CELF4: variants seen among roughly 807,000 people sequenced by gnomAD.
CELF4 encodes the protein CUGBP Elav-like family member 4.
In CELF4, 18 loss-of-function variants were observed where a neutral mutation model predicts 59.9. The observed-to-expected ratio is 0.30, with a 90% CI of 0.21 to 0.45. CELF4 has a LOEUF of 0.45. CELF4 is among the 20% of genes least tolerant of loss of function. The pLI is 1.00. For synonymous variants in CELF4, 261 were observed against 267.1 expected, an observed-to-expected ratio of 0.98 and a Z score of 0.22; for missense variants, 456 against 689.0, an observed-to-expected ratio of 0.66 and a Z score of 3.79.
At chr18:37,415,602 G>A (rs1240354160) in intron 2 of CELF4, among the ~76,000 whole-genome samples, 1 of 152,200 alleles carries the variant, frequency 6.6e-6, no homozygotes, top group Non-Finnish European at 1.5e-5. Context: ...TTAACTTTAA[G>A]AGAAGTGGAA....
chr18:37,267,258 C>T (rs2154337398), intron 8 of CELF4, among the ~76,000 whole-genome samples: 1 of 152,348 alleles, frequency 6.6e-6, no homozygotes, highest in East Asian at 1.9e-4. Flanking sequence ...GGACCTTCCT[C>T]CTGTCTTCTG....
chr18:37,360,219 T>C (rs537311624), intron 2 of CELF4, among the ~76,000 whole-genome samples: 1 of 152,260 alleles, frequency 6.6e-6, no homozygotes, highest in East Asian at 1.9e-4. Context: ...AAGTCCTCTT[T>C]GCAATCTCTG....
intron 2 of CELF4, among the ~76,000 whole-genome samples, chr18:37,414,556 C>A (rs1603637748): frequency 7.5e-6 from 1 of 133,746 alleles, no homozygotes; most frequent in Non-Finnish European, 1.5e-5. Context: ...GGCTGGAGTG[C>A]AGTGGCGCGA....
At chr18:37,440,971 G>A (rs2099711065) in intron 2 of CELF4, among the ~76,000 whole-genome samples, 1 of 152,192 alleles carries the variant, frequency 6.6e-6, no homozygotes, top group Admixed American at 6.5e-5. Context: ...GTGGTGCAAG[G>A]AATGTGAATA....
chr18:37,472,636 G>T lies in CELF4; in HGVS notation c.369+12889C>A, dbSNP rs149291040. Among the ~76,000 whole-genome samples the T allele has an allele frequency of 5.3e-5, 8 of 152,370 alleles. No individual in the cohort carries two copies. The East Asian group carries it at 1.5e-3, about 29-fold the overall frequency. ...GATGAGAAAACTGAGGCACAGAGAA[G>T]TTAAGTGATTAGCCCAAGGTCACAC... On this transcript the variant is annotated intron_variant, in intron 2 of 12. Coordinates refer to ENST00000420428, the MANE Select transcript of CELF4 (RefSeq NM_020180.4).
At chr18:37,468,645 G>C (rs962926334) in intron 2 of CELF4, among the ~76,000 whole-genome samples, 3 of 152,130 alleles carry the variant, frequency 2.0e-5, no homozygotes, top group Non-Finnish European at 4.4e-5. Context: ...CCTGAGACTG[G>C]GTAATTTATC....
chr18:37,258,300 A>C lies in CELF4; in HGVS notation c.1333+881T>G, dbSNP rs538852739. On this transcript the variant is annotated intron_variant, in intron 11 of 12. Transcript: ENST00000420428. ...ATAGTGGAAACCCCCCAGCACAGAC[A>C]CCACACCCCCGCGCCTGGTCTCCCT... Among the ~76,000 whole-genome samples, 150 of 133,826 alleles carry C rather than the reference A, an allele frequency of 1.1e-3. 2 individuals carry two copies. Among genetic ancestry groups the C allele is most frequent in the African/African-American group, 4.1e-3 (148 of 35,676 alleles). The allele number at this position is 133,826 out of a possible 152,430, so 87.8% of individuals were successfully genotyped here.
intron 12 of CELF4, among the ~76,000 whole-genome samples, chr18:37,252,519 A>C (rs922737464): frequency 2.3e-4 from 35 of 151,556 alleles, no homozygotes; most frequent in Non-Finnish European, 8.8e-5. Flanking sequence ...AAGGCCCCAC[A>C]CCAGGTGGCC....
At chr18:37,325,256 G>A (rs2097266243) in intron 2 of CELF4, among the ~76,000 whole-genome samples, 1 of 152,166 alleles carries the variant, frequency 6.6e-6, no homozygotes, top group Non-Finnish European at 1.5e-5. Context: ...CATCCTGTGT[G>A]GGAGGAAGGC....
intron 2 of CELF4, among the ~76,000 whole-genome samples, chr18:37,408,402 C>T (rs180797324): frequency 1.3e-5 from 2 of 150,132 alleles, no homozygotes; most frequent in East Asian, 2.0e-4. Context: ...TTTCCAGGAA[C>T]GTAAGAATCT....
At chr18:37,489,106 A>G (rs943718551) in intron 1 of CELF4, among the ~76,000 whole-genome samples, 2 of 152,232 alleles carry the variant, frequency 1.3e-5, no homozygotes, top group Admixed American at 6.5e-5. Context: ...GTGAGGCGGG[A>G]GCGGCTGGAT....
intron 2 of CELF4, among the ~76,000 whole-genome samples, chr18:37,432,245 G>A (rs904408882): frequency 6.6e-6 from 1 of 152,214 alleles, no homozygotes; most frequent in Non-Finnish European, 1.5e-5. Context: ...AAGGGGTGCT[G>A]TTGTGAGGGC....
At chr18:37,413,010 C>T (rs542565802) in intron 2 of CELF4, among the ~76,000 whole-genome samples, 3 of 152,226 alleles carry the variant, frequency 2.0e-5, no homozygotes, top group Middle Eastern at 3.4e-3. Flanking sequence ...CTCCCCTCCC[C>T]GCCCAGGCTG....
At chr18:37,519,577 G>C (rs752432088) in intron 1 of CELF4, among the ~76,000 whole-genome samples, 2 of 152,198 alleles carry the variant, frequency 1.3e-5, no homozygotes, top group Non-Finnish European at 2.9e-5. Context: ...AAATGCTTCA[G>C]GTGTTCGTCA....
In CELF4 at chr18:37,465,868, C is replaced by A. The variant is rs141836459; in HGVS notation, c.369+19657G>T. Among the ~76,000 whole-genome samples the A allele has an allele frequency of 1.8e-3, 274 of 152,230 alleles. 3 individuals are homozygous for A. The highest frequency in any genetic ancestry group is 3.4e-3 in the Middle Eastern group (1 of 294). ...GGATGCATTCAGATGAGAGCCACAA[C>A]ATGGGCACAGGAAGGAAAAGAGAGC... On this transcript the variant is annotated intron_variant, in intron 2 of 12. Coordinates refer to ENST00000420428, the MANE Select transcript of CELF4 (RefSeq NM_020180.4).
At chr18:37,313,836 G>A (rs1035207523) in intron 3 of CELF4, among the ~76,000 whole-genome samples, 2 of 152,362 alleles carry the variant, frequency 1.3e-5, no homozygotes, top group Non-Finnish European at 2.9e-5. Flanking sequence ...GGGGAACGTG[G>A]CCTCAGGGAG....
intron 2 of CELF4, among the ~76,000 whole-genome samples, chr18:37,449,540 G>A (rs531300851): frequency 6.6e-5 from 10 of 152,102 alleles, no homozygotes; most frequent in African/African-American, 1.9e-4. Flanking sequence ...GGGATACAGC[G>A]GTAAACAAAT....
At chr18:37,550,081 G>GGT (rs1285882481) in intron 1 of CELF4, among the ~76,000 whole-genome samples, 17 of 105,170 alleles carry the variant, frequency 1.6e-4, no homozygotes, top group Admixed American at 2.9e-4. Context: ...TGGTCCAATG[G>GGT]GTGGGGGGGG....
At chr18:37,407,649 A>G (rs2099399344) in intron 2 of CELF4, among the ~76,000 whole-genome samples, 2 of 151,802 alleles carry the variant, frequency 1.3e-5, no homozygotes, top group Non-Finnish European at 2.9e-5. Flanking sequence ...ACACGTTAGG[A>G]TGTTCAGGCA....
Sources: allele counts gnomAD v4.1 joint callset (sites outside exome capture counted in the v4.1 genomes callset), GRCh38; gene constraint gnomAD v4.1.1; transcripts MANE v1.5; gene names NCBI Gene and HGNC (gene_info 2026-07-23, HGNC 2026-07-21).